The following ZNF148 variants were observed in gnomAD, a reference collection of about 807,000 sequenced individuals.
ZNF148 encodes the protein Beta-Enolase Repressor Factor-1.
In ZNF148, 7 loss-of-function variants were observed where a neutral mutation model predicts 67.7. The observed-to-expected ratio is 0.10, with a 90% CI of 0.06 to 0.19. ZNF148 has a LOEUF of 0.19. Among genes scored for constraint, ZNF148 ranks in the 10% least tolerant of loss-of-function variants. The probability of loss-of-function intolerance (pLI) is 1.00; values close to 1 mark genes in which losing one functional copy is unlikely to be tolerated. For synonymous variants in ZNF148, 333 were observed against 330.7 expected (o/e 1.01, Z -0.08); for missense variants, 583 against 947.1 (o/e 0.62, Z 5.05).
chr3:125,309,328 AG>A (rs1052941372), intron 4 of ZNF148, among the ~76,000 whole-genome samples: 10 of 152,236 alleles, frequency 6.6e-5, no homozygotes, highest in African/African-American at 1.9e-4. Flanking sequence ...GGCAGGATAC[AG>A]AAAAAAATAC....
chr3:125,304,161 C>T (rs895837164), intron 4 of ZNF148, among the ~76,000 whole-genome samples: 4 of 152,072 alleles, frequency 2.6e-5, no homozygotes, highest in Non-Finnish European at 5.9e-5. Flanking sequence ...AGATACCAGA[C>T]AGAAGGAAGA....
chr3:125,294,481 G>A (rs1283942097), intron 4 of ZNF148, among the ~76,000 whole-genome samples: 1 of 152,148 alleles, frequency 6.6e-6, no homozygotes, highest in Non-Finnish European at 1.5e-5. Flanking sequence ...GCAACTTTAA[G>A]TATAAAATTA....
At chr3:125,347,381 C>T (rs1290776352) in intron 1 of ZNF148, among the ~76,000 whole-genome samples, 4 of 152,198 alleles carry the variant, frequency 2.6e-5, no homozygotes, top group East Asian at 3.9e-4. Flanking sequence ...AAATCCAAAA[C>T]GATCTTGAAA....
chr3:125,331,306 C>A (rs1003175800), intron 1 of ZNF148, 68 bp from the exon 2 acceptor site: 1 of 397,852 alleles, frequency 2.5e-6, no homozygotes, highest in South Asian at 1.3e-4. Flanking sequence ...TTAAAGAAGT[C>A]AGGTAAAACT....
At chr3:125,236,480 T>C (rs566137000) in intron 7 of ZNF148, among the ~76,000 whole-genome samples, 2 of 152,208 alleles carry the variant, frequency 1.3e-5, no homozygotes, top group African/African-American at 4.8e-5. Context: ...CTTAGAAGTG[T>C]TGAAATTTAA....
At chr3:125,349,288 G>A (rs1231683191) in intron 1 of ZNF148, among the ~76,000 whole-genome samples, 1 of 152,152 alleles carries the variant, frequency 6.6e-6, no homozygotes, top group African/African-American at 2.4e-5. Flanking sequence ...GAGCAACTAG[G>A]CAACTTATGA....
chr3:125,370,043 T>G (rs1579924133), intron 1 of ZNF148, among the ~76,000 whole-genome samples: 6 of 152,240 alleles, frequency 3.9e-5, no homozygotes, highest in Admixed American at 3.9e-4. Context: ...TCTGTTATTT[T>G]TACTATCCTA....
chr3:125,286,597 A>C (rs1938672779), intron 5 of ZNF148, among the ~76,000 whole-genome samples: 1 of 152,204 alleles, frequency 6.6e-6, no homozygotes. Flanking sequence ...AAACAAAAGG[A>C]CTACAACTTT....
At chr3:125,237,489 G>C (rs1375953853) in intron 7 of ZNF148, among the ~76,000 whole-genome samples, 1 of 152,102 alleles carries the variant, frequency 6.6e-6, no homozygotes, top group Admixed American at 6.5e-5. Context: ...GGCTGAGGTG[G>C]AAGGATCGTT....
intron 7 of ZNF148, among the ~76,000 whole-genome samples, chr3:125,257,038 T>C (rs1317721096): frequency 6.6e-6 from 1 of 151,420 alleles, no homozygotes; most frequent in East Asian, 1.9e-4. Flanking sequence ...TCATCTATTT[T>C]CCATACCTTT....
At chr3:125,275,568 C>A (rs1938010144) in intron 7 of ZNF148, among the ~76,000 whole-genome samples, 2 of 152,160 alleles carry the variant, frequency 1.3e-5, no homozygotes, top group African/African-American at 2.4e-5. Context: ...CTTCTTACTA[C>A]CTCCTCATCT....
At position 125,229,834 on chromosome 3, in the gene ZNF148, G is replaced by A. The variant is rs1296271321; in HGVS notation, c.*2507C>T. On this transcript the variant is annotated 3_prime_UTR_variant, in exon 9 of 9. Transcript: ENST00000360647. ...CAAAGTGGGGAAATCCAAAACTGTT[G>A]AGATGTTTGTCATATTATGATAGAA... 1 of 152,398 alleles carries A rather than the reference G, an allele frequency of 6.6e-6. No individual in the cohort carries two copies. The highest frequency in any genetic ancestry group is 1.5e-5 in the Non-Finnish European group (1 of 68,026). The allele number at this position is 152,398 out of a possible 1,614,324, so 9.4% of individuals were successfully genotyped here.
chr3:125,326,217 A>G (rs542683006), intron 2 of ZNF148, among the ~76,000 whole-genome samples: 6 of 152,332 alleles, frequency 3.9e-5, no homozygotes, highest in African/African-American at 1.4e-4. Flanking sequence ...AGCATCAGAA[A>G]TGGCAAATAT....
At chr3:125,277,613 T>G (rs914210470) in intron 7 of ZNF148, 113 bp downstream of exon 7, 2 of 813,468 alleles carry the variant, frequency 2.5e-6, no homozygotes, top group African/African-American at 3.6e-5. Context: ...TAACCTGTGA[T>G]TTATAGTCTA....
At position 125,331,187 on chromosome 3, in the gene ZNF148, T is replaced by G; in HGVS notation, c.-182A>C. 1 of 398,562 alleles carries G rather than the reference T, an allele frequency of 2.5e-6. No individual in the cohort carries two copies. 24.7% of individuals were successfully genotyped at this position (398,562 alleles called of 1,614,324 possible). ...ATTAAATACGTTAGGCAAACGCCCA[T>G]CCCGCCAGATCACGTGCTTGAATTT... On this transcript the variant is annotated 5_prime_UTR_variant, in exon 2 of 9. It removes an upstream start codon present in the reference 5' UTR. Transcript: ENST00000360647.
intron 7 of ZNF148, among the ~76,000 whole-genome samples, chr3:125,251,978 T>C (rs745317921): frequency 6.6e-6 from 1 of 152,192 alleles, no homozygotes; most frequent in Non-Finnish European, 1.5e-5. Context: ...TTTTGGCCAT[T>C]CCAGGGTATA....
intron 4 of ZNF148, among the ~76,000 whole-genome samples, chr3:125,288,511 G>C (rs1938829665): frequency 6.6e-6 from 1 of 151,458 alleles, no homozygotes. Context: ...ATAAGACCAA[G>C]CAGAAGTCAG....
At chr3:125,319,714 A>G (rs1231621870) in intron 3 of ZNF148, among the ~76,000 whole-genome samples, 1 of 152,220 alleles carries the variant, frequency 6.6e-6, no homozygotes, top group Admixed American at 6.5e-5. Flanking sequence ...AATATTTACA[A>G]TAACCCTCAA....
Position 125,228,762 on chromosome 3 carries a change from T to C in ZNF148, c.*3579A>G, listed in dbSNP as rs1323030774. On this transcript the variant is annotated 3_prime_UTR_variant, in exon 9 of 9. Coordinates refer to ENST00000360647, the MANE Select transcript of ZNF148 (RefSeq NM_021964.3). ...GTCCTTGATTGTCAAGACACGTTTA[T>C]ATATAAACTCTAACTGTGCAGAATT... 1 of 152,626 alleles carries C rather than the reference T, an allele frequency of 6.6e-6. No homozygotes were observed. The highest frequency in any genetic ancestry group is 1.5e-5 in the Non-Finnish European group (1 of 68,006). The allele number at this position is 152,626 out of a possible 1,614,324, so 9.5% of individuals were successfully genotyped here.
Sources: allele counts gnomAD v4.1 joint callset (sites outside exome capture counted in the v4.1 genomes callset), GRCh38; gene constraint gnomAD v4.1.1; transcripts MANE v1.5; gene names NCBI Gene and HGNC (gene_info 2026-07-23, HGNC 2026-07-21).